IL16: variants seen among roughly 807,000 people sequenced by gnomAD.
IL16 encodes the protein pro-interleukin-16.
Under a neutral mutation model 110.1 loss-of-function variants are expected in IL16, and 67 were observed. The ratio of observed to expected loss-of-function variants is 0.61; its 90% CI spans 0.50 to 0.75. IL16 has a LOEUF of 0.75. Among genes scored for constraint, IL16 ranks in the 30% least tolerant of loss-of-function variants. The pLI, the probability that IL16 is intolerant of heterozygous loss-of-function variation, is 0.00. For synonymous variants in IL16, 689 were observed against 662.9 expected, an observed-to-expected ratio of 1.04 and a Z score of -0.61; for missense variants, 1,545 against 1,655.0, an observed-to-expected ratio of 0.93 and a Z score of 1.15.
chr15:81,269,925 G>A (rs1898560350), intron 5 of IL16, among the ~76,000 whole-genome samples: 1 of 152,138 alleles, frequency 6.6e-6, no homozygotes, highest in African/African-American at 2.4e-5. Flanking sequence ...TTCATTCCTG[G>A]CACAGTAGTT....
intron 2 of IL16, among the ~76,000 whole-genome samples, chr15:81,242,337 C>T (rs1339748924): frequency 1.3e-5 from 2 of 152,126 alleles, no homozygotes; most frequent in Non-Finnish European, 2.9e-5. Flanking sequence ...AAGAATTAAT[C>T]TTTACTATGC....
At chr15:81,233,942 T>C (rs1306811658) in intron 2 of IL16, among the ~76,000 whole-genome samples, 1 of 152,120 alleles carries the variant, frequency 6.6e-6, no homozygotes, top group Admixed American at 6.5e-5. Context: ...TTTTGCCTTA[T>C]ATATTTTGAA....
rs74434948 is a variant in IL16, at chr15:81,296,860, C to T, written c.1903-68C>T. 2,034 of 1,398,556 alleles carry T rather than the reference C, an allele frequency of 1.5e-3. 4 individuals carry two copies. Among genetic ancestry groups the T allele is most frequent in the Non-Finnish European group, 1.7e-3 (1,749 of 1,026,954 alleles). 86.6% of individuals were successfully genotyped at this position (1,398,556 alleles called of 1,614,324 possible). On this transcript the variant is annotated intron_variant, in intron 12 of 18. Transcript: ENST00000683961. ...ATCCGTTTTTCCGTCCCAATCAAAG[C>T]GTGTCTCGCCTTCTCACAGCTTGAG...
chr15:81,284,705 G>T (rs1899359678), intron 9 of IL16, among the ~76,000 whole-genome samples: 3 of 152,232 alleles, frequency 2.0e-5, no homozygotes, highest in Admixed American at 2.0e-4. Context: ...TCCTGGACCT[G>T]CTGATGACCA....
At chr15:81,203,338 G>T (rs889532717) in intron 1 of IL16, among the ~76,000 whole-genome samples, 68 of 151,944 alleles carry the variant, frequency 4.5e-4, no homozygotes, top group African/African-American at 1.1e-3. Context: ...AGATCCCATT[G>T]GTCAATTTTG....
chr15:81,232,767 T>G (rs1275502054), intron 2 of IL16, among the ~76,000 whole-genome samples: 1 of 152,222 alleles, frequency 6.6e-6, no homozygotes, highest in Non-Finnish European at 1.5e-5. Context: ...TATGCTAATA[T>G]TTTGTTAGTA....
At chr15:81,274,386 G>A (rs1360286234) in intron 6 of IL16, among the ~76,000 whole-genome samples, 1 of 152,212 alleles carries the variant, frequency 6.6e-6, no homozygotes, top group Non-Finnish European at 1.5e-5. Flanking sequence ...GGGGACTCGA[G>A]CACGCTCATC....
rs61227218 is a variant in IL16, at chr15:81,288,829, A to ATGTGTATGTGTATG, written c.1333-1619_1333-1618insATGTGTATGTGTGT. The stretch of plus-strand genomic sequence containing the variant: ...GGTCGAATAATCTTCTAGTATGTGT[A>ATGTGTATGTGTATG]TGTGTGTGTGTGTGTGTGTGCGTGT... On this transcript the variant is annotated intron_variant, in intron 10 of 18. Transcript: ENST00000683961. Among the ~76,000 whole-genome samples the ATGTGTATGTGTATG allele has an allele frequency of 2.8e-5, 4 of 140,970 alleles. No individual in the cohort carries two copies. In the East Asian group the frequency reaches 6.6e-4, roughly 23 times the overall value. The allele number at this position is 140,970 out of a possible 152,430, so 92.5% of individuals were successfully genotyped here. A position where few individuals can be genotyped will look rare whatever the true frequency, so the allele number is the denominator to read the frequency against.
At chr15:81,289,553 G>A (rs1899609921) in intron 10 of IL16, among the ~76,000 whole-genome samples, 1 of 152,146 alleles carries the variant, frequency 6.6e-6, no homozygotes, top group African/African-American at 2.4e-5. Context: ...TTTTTCATTT[G>A]CTTTTTGGCT....
At chr15:81,216,171 C>G (rs977532557) in intron 1 of IL16, among the ~76,000 whole-genome samples, 5 of 152,330 alleles carry the variant, frequency 3.3e-5, no homozygotes, top group African/African-American at 1.2e-4. Flanking sequence ...TGTGGCTGCT[C>G]TCTGCTGGAG....
At chr15:81,279,833 A>C in intron 8 of IL16, 59 bp downstream of exon 8, 1 of 1,447,234 alleles carries the variant, frequency 6.9e-7, no homozygotes, top group Non-Finnish European at 9.7e-7. Context: ...TGAGTCTCCC[A>C]GGCTTTCCTC....
At chr15:81,242,695 T>G (rs992331119) in intron 2 of IL16, among the ~76,000 whole-genome samples, 1 of 152,182 alleles carries the variant, frequency 6.6e-6, no homozygotes, top group Non-Finnish European at 1.5e-5. Context: ...CTGATCTTTA[T>G]GCTTTTTATT....
intron 1 of IL16, among the ~76,000 whole-genome samples, chr15:81,222,352 G>A (rs931272898): frequency 6.7e-5 from 10 of 150,250 alleles, no homozygotes; most frequent in African/African-American, 7.3e-5. Flanking sequence ...ACGGCAAAGA[G>A]AAGAGCTACT....
intron 2 of IL16, among the ~76,000 whole-genome samples, chr15:81,259,183 A>G (rs1256726129): frequency 6.6e-6 from 1 of 152,246 alleles, no homozygotes; most frequent in Admixed American, 6.5e-5. Context: ...TAATGCATGG[A>G]TAGTTCAATA....
In IL16 at chr15:81,225,448, C is replaced by T. The variant is rs199973594; in HGVS notation, c.49C>T (p.Arg17Trp). ...AAAGAGCAGAAAATCTGCAAAATTT[C>T]GGTCCATCTCCAGGTCCCTGATGCT... is the stretch of plus-strand genomic sequence containing the variant. ...AGKSRKSAKFRSISRSLMLCN... is the reference protein window; with the variant it reads ...AGKSRKSAKFWSISRSLMLCN... The change falls in exon 2 of 19, where the codon CGG (arginine) becomes TGG (tryptophan). Residue 17 changes from arginine (R) to tryptophan (W), a missense_variant. Coordinates refer to ENST00000683961, the MANE Select transcript of IL16 (RefSeq NM_172217.5). The T allele has an allele frequency of 6.6e-5, 106 of 1,614,156 alleles. 1 individual carries two copies. Among genetic ancestry groups the T allele is most frequent in the Admixed American group, 1.5e-4 (9 of 60,018 alleles).
At chr15:81,308,096 T>G (rs1245678461) in intron 18 of IL16, among the ~76,000 whole-genome samples, 9 of 152,242 alleles carry the variant, frequency 5.9e-5, no homozygotes, top group Admixed American at 5.9e-4. Context: ...CATATATGGT[T>G]GTTTCCTTTT....
At chr15:81,301,261 C>T (rs996706374) in intron 14 of IL16, 83 bp from the exon 15 acceptor site, 29 of 1,284,998 alleles carry the variant, frequency 2.3e-5, no homozygotes, top group Non-Finnish European at 3.1e-5. Context: ...TGGCACCACA[C>T]CTGGGACATA....
intron 1 of IL16, among the ~76,000 whole-genome samples, chr15:81,202,789 G>A (rs1895868265): frequency 1.3e-5 from 2 of 152,158 alleles, no homozygotes; most frequent in Non-Finnish European, 2.9e-5. Context: ...AAACATACGT[G>A]TGCATGTGTC....
intron 10 of IL16, among the ~76,000 whole-genome samples, chr15:81,287,097 G>A (rs978093021): frequency 2.0e-5 from 3 of 152,190 alleles, no homozygotes; most frequent in African/African-American, 7.2e-5. Flanking sequence ...TAAGATTTGG[G>A]TAGGGACACA....
Sources: gnomAD v4.1 joint callset for allele counts (sites outside exome capture counted in the v4.1 genomes callset) on GRCh38, gnomAD v4.1.1 for gene constraint, MANE v1.5 for transcripts, NCBI Gene and HGNC (gene_info 2026-07-23, HGNC 2026-07-21) for gene names.